Variants in CC2D2A observed in about 807,000 individuals in gnomAD.
The protein encoded by CC2D2A is coiled-coil and C2 domain containing 2A.
A neutral mutation model predicts 212.9 loss-of-function variants in CC2D2A; 155 were observed. That is an observed-to-expected ratio of 0.73 (90% CI 0.64 to 0.83). CC2D2A has a LOEUF of 0.83. Among genes scored for constraint, CC2D2A ranks in the 40% least tolerant of loss-of-function variants. The probability of loss-of-function intolerance (pLI) is 0.00; values close to 1 mark genes in which losing one functional copy is unlikely to be tolerated. For synonymous variants in CC2D2A, 667 were observed against 686.5 expected (o/e 0.97, Z 0.44); for missense variants, 1,856 against 1,956.2 (o/e 0.95, Z 0.97).
intron 4 of CC2D2A, chr4:15,481,399 T>A (rs1233760156): frequency 2.9e-6 from 1 of 341,786 alleles, no homozygotes; most frequent in Admixed American, 3.8e-5. Context: ...TAATCCCAGC[T>A]ACTTGGGAGG....
chr4:15,599,628 T>G lies in CC2D2A; in HGVS notation c.4596T>G (p.Pro1532=). ...CCTCTACTCTGCGTCACTTCTTGCC[T>G]CTGTTAGAAAAAAGTCAAGGAGAAG... ...YCTSTLRHFL[P]LLEKSQGEDV... The change falls in exon 36 of 37, where the codon CCT becomes CCG. Residue 1532 remains proline, a synonymous_variant. Coordinates refer to ENST00000424120, the MANE Select transcript of CC2D2A (RefSeq NM_001378615.1). 1 of 1,613,560 alleles carries G rather than the reference T, an allele frequency of 6.2e-7. No individual in the cohort carries two copies. Among genetic ancestry groups the G allele is most frequent in the African/African-American group, 1.3e-5 (1 of 75,024 alleles).
chr4:15,596,032 A>G, intron 33 of CC2D2A, 53 bp from the exon 34 acceptor site: 1 of 1,290,282 alleles, frequency 7.8e-7, no homozygotes, highest in Non-Finnish European at 1.1e-6. Context: ...GCACACATAC[A>G]TGTGCATGTA....
chr4:15,538,087 C>G lies in CC2D2A; in HGVS notation c.1953C>G (p.Val651=). 6.2e-7 allele frequency: 1 copy of G among 1,604,724 alleles called. No homozygotes were observed. Among genetic ancestry groups the G allele is most frequent in the Non-Finnish European group, 8.5e-7 (1 of 1,175,508 alleles). Residue 651 remains valine, a synonymous_variant, in exon 16 of 37, where the codon GTC becomes GTG. Coordinates refer to ENST00000424120, the MANE Select transcript of CC2D2A (RefSeq NM_001378615.1). ...GGAGGCCTTGGGAGCCCACGCTGGT[C>G]CCGGAGCTAAGCCTGGCAGGAAGCG... ...SRRRPWEPTL[V]PELSLAGSVT... is the part of the protein sequence containing the mutation.
intron 1 of CC2D2A, among the ~76,000 whole-genome samples, chr4:15,475,154 AT>A (rs1016715171): frequency 4.6e-5 from 7 of 152,158 alleles, no homozygotes; most frequent in African/African-American, 1.4e-4. Flanking sequence ...TGCGCCTGTA[AT>A]CCCAGCTACT....
At chr4:15,597,115 A>T (rs1721354391) in intron 34 of CC2D2A, among the ~76,000 whole-genome samples, 1 of 152,152 alleles carries the variant, frequency 6.6e-6, no homozygotes, top group Admixed American at 6.5e-5. Flanking sequence ...TATCCCTCTC[A>T]CCTATGAAAG....
At chr4:15,584,680 C>T (rs1408693753) in intron 30 of CC2D2A, among the ~76,000 whole-genome samples, 4 of 151,894 alleles carry the variant, frequency 2.6e-5, no homozygotes, top group Non-Finnish European at 5.9e-5. Flanking sequence ...TTCTGCACAG[C>T]AAAGGAAACA....
intron 1 of CC2D2A, 146 bp from the exon 2 acceptor site, chr4:15,475,769 G>T: frequency 1.5e-6 from 1 of 655,934 alleles, no homozygotes; most frequent in Non-Finnish European, 2.8e-6. Flanking sequence ...CAATCCTGGG[G>T]TCTGCCAGGG....
chr4:15,544,644 T>C (rs1718618904), intron 17 of CC2D2A, among the ~76,000 whole-genome samples: 1 of 152,116 alleles, frequency 6.6e-6, no homozygotes, highest in Non-Finnish European at 1.5e-5. Flanking sequence ...TGAAACACAC[T>C]CCCACTATGG....
chr4:15,497,393 G>A (rs1009100836), intron 4 of CC2D2A, among the ~76,000 whole-genome samples: 1 of 152,144 alleles, frequency 6.6e-6, no homozygotes, highest in Non-Finnish European at 1.5e-5. Flanking sequence ...ATAATTTTGT[G>A]CTGAGGTTTA....
chr4:15,591,914 T>C lies in CC2D2A; in HGVS notation c.4314+2235T>C, dbSNP rs559114414. Among the ~76,000 whole-genome samples, 36 of 152,344 alleles carry C rather than the reference T, an allele frequency of 2.4e-4. 1 individual carries two copies. Among genetic ancestry groups the C allele is most frequent in the Admixed American group, 6.5e-4 (10 of 15,304 alleles). On this transcript the variant is annotated intron_variant, in intron 33 of 36. Coordinates refer to ENST00000424120, the MANE Select transcript of CC2D2A (RefSeq NM_001378615.1). The stretch of plus-strand genomic sequence containing the variant: ...AGGAAGAAAGAACATTCTTTTCTCC[T>C]CTTCTCTGAGATGGGTAATAGTAGC...
At position 15,567,443 on chromosome 4, in the gene CC2D2A, G is replaced by T; in HGVS notation, c.3249G>T (p.Thr1083=). ...FSEKHAASPS[T]YSPTHNADYP... ...AAAAGCATGCTGCTTCCCCAAGCACGTACAGCCCAACCCACAATGCTGACT... is the reference window on the plus strand; with the variant it reads ...AAAAGCATGCTGCTTCCCCAAGCACTTACAGCCCAACCCACAATGCTGACT... Residue 1083 remains threonine (T), a synonymous_variant, in exon 25 of 37, where the codon ACG becomes ACT. Transcript: ENST00000424120. The T allele has an allele frequency of 6.2e-7, 1 of 1,613,382 alleles. No individual in the cohort carries two copies. Among genetic ancestry groups the T allele is most frequent in the South Asian group, 1.1e-5 (1 of 90,972 alleles).
In CC2D2A at chr4:15,480,380, T is replaced by C. The variant is rs757036884; in HGVS notation, c.124-324T>C. Among the ~76,000 whole-genome samples, 3 of 152,250 alleles carry C rather than the reference T, an allele frequency of 2.0e-5. No homozygotes were observed. The East Asian group carries it at 5.8e-4, about 29-fold the overall frequency. ...ACTTTAGCTGCTGTTTGCAAACTAT[T>C]TGAAGTTGGGAACAAACTGATTTTC... On this transcript the variant is annotated intron_variant, in intron 3 of 36. Coordinates refer to ENST00000424120, the MANE Select transcript of CC2D2A (RefSeq NM_001378615.1).
intron 6 of CC2D2A, among the ~76,000 whole-genome samples, chr4:15,509,599 G>A (rs35724720): frequency 0.14 from 21,800 of 152,116 alleles, 1,868 homozygotes; most frequent in African/African-American, 0.24. Flanking sequence ...AAAGCTTATT[G>A]AGTATACAAT....
At position 15,480,684 on chromosome 4, in the gene CC2D2A, C is replaced by T. The variant is rs1414438127; in HGVS notation, c.124-20C>T. 1 of 1,603,858 alleles carries T rather than the reference C, an allele frequency of 6.2e-7. No individual in the cohort carries two copies. Among genetic ancestry groups the T allele is most frequent in the Non-Finnish European group, 8.5e-7 (1 of 1,175,350 alleles). On this transcript the variant is annotated intron_variant, in intron 3 of 36. Coordinates refer to ENST00000424120, the MANE Select transcript of CC2D2A (RefSeq NM_001378615.1). ...AATAAAGTCCTGGGAGTCTCTGAAC[C>T]TCTGACCTTCTTCCTCCAGCCACCA...
chr4:15,574,426 C>T, intron 29 of CC2D2A, 100 bp downstream of exon 29: 1 of 835,586 alleles, frequency 1.2e-6, no homozygotes, highest in Non-Finnish European at 1.8e-6. Context: ...ACAAACAGAG[C>T]CTTCCTTACT....
Position 15,527,654 on chromosome 4 carries a change from A to G in CC2D2A, c.1357A>G (p.Lys453Glu), listed in dbSNP as rs1187063113. 2 of 1,599,586 alleles carry G rather than the reference A, an allele frequency of 1.3e-6. No individual in the cohort carries two copies. The highest frequency in any genetic ancestry group is 1.7e-6 in the Non-Finnish European group (2 of 1,172,056). Residue 453 changes from lysine to glutamate, a missense_variant and splice_region_variant, in exon 12 of 37, where the codon AAG (lysine) becomes GAG (glutamate). Lys to Glu is a moderately conservative substitution (Grantham distance 56). This residue lies in a region of CC2D2A where 1,512 missense variants were observed against 1,579.3 expected (regional missense o/e 0.96). Coordinates refer to ENST00000424120, the MANE Select transcript of CC2D2A (RefSeq NM_001378615.1). ...AAACAAGGCGAAATTTCTTACTGATAAGGTACATGTGATTTCTTCCATAAT... is the reference window on the plus strand; with the variant it reads ...AAACAAGGCGAAATTTCTTACTGATGAGGTACATGTGATTTCTTCCATAAT... The part of the protein sequence containing the change: ...QRNKAKFLTD[K>E]LQALRNAVQT...
chr4:15,557,002 T>C (rs1406634877), intron 20 of CC2D2A, among the ~76,000 whole-genome samples: 1 of 152,244 alleles, frequency 6.6e-6, no homozygotes, highest in Non-Finnish European at 1.5e-5. Context: ...CGTAATACAC[T>C]GTAGTCTGGC....
chr4:15,476,992 A>C (rs1714260008), intron 2 of CC2D2A, among the ~76,000 whole-genome samples: 1 of 152,206 alleles, frequency 6.6e-6, no homozygotes, highest in African/African-American at 2.4e-5. Context: ...ACTCATTATA[A>C]AACCATGCAG....
chr4:15,594,832 T>C (rs957186356), intron 33 of CC2D2A, among the ~76,000 whole-genome samples: 1 of 152,096 alleles, frequency 6.6e-6, no homozygotes, highest in African/African-American at 2.4e-5. Flanking sequence ...AAACAGGAAC[T>C]TGCTGTCATC....
Sources: allele counts gnomAD v4.1 joint callset (sites outside exome capture counted in the v4.1 genomes callset), GRCh38; gene constraint gnomAD v4.1.1; regional missense constraint gnomAD v4.1.1; transcripts MANE v1.5; gene names NCBI Gene and HGNC (gene_info 2026-07-23, HGNC 2026-07-21).